SCAMP4: variants seen among roughly 807,000 people sequenced by gnomAD.
The protein encoded by SCAMP4 is secretory carrier-associated membrane protein 4.
Under a neutral mutation model 32.1 loss-of-function variants are expected in SCAMP4, and 19 were observed. That is an observed-to-expected ratio of 0.59 (90% CI 0.41 to 0.87). The LOEUF (loss-of-function observed/expected upper bound fraction) is 0.87, where lower values mean the gene tolerates loss of function less well. Ranked by LOEUF, SCAMP4 falls within the 40% of genes least tolerant of loss-of-function variation. The pLI is 0.00. For synonymous variants in SCAMP4, 152 were observed against 132.7 expected (o/e 1.15, Z -1.00); for missense variants, 302 against 309.0 (o/e 0.98, Z 0.17).
At chr19:1,911,977 C>T in intron 1 of SCAMP4, 1 of 1,409,038 alleles carries the variant, frequency 7.1e-7, no homozygotes, top group South Asian at 1.6e-5. Flanking sequence ...TGGCAGCACG[C>T]CCTGCCTTGT....
In SCAMP4 at chr19:1,924,200, G is replaced by C; in HGVS notation, c.606G>C (p.Glu202Asp). ...CTTGGCGGAACCCACCGTCGAGGGA[G>C]GCCCAGTACAACAACTTCTCAGGCA... ...TGTWRNPPSR[E>D]AQYNNFSGNS... The change falls in exon 7 of 7, where the codon GAG (glutamate) becomes GAC (aspartate). Residue 202 changes from glutamate to aspartate, a missense_variant. Transcript: ENST00000316097. The C allele has an allele frequency of 6.2e-7, 1 of 1,610,084 alleles. No individual in the cohort carries two copies. The highest frequency in any genetic ancestry group is 8.5e-7 in the Non-Finnish European group (1 of 1,178,210).
chr19:1,912,414 G>A (rs748161075), intron 1 of SCAMP4: 1 of 1,513,592 alleles, frequency 6.6e-7, no homozygotes, highest in East Asian at 2.6e-5. Context: ...GCGCTCGCTG[G>A]CTGAGCTCCT....
At chr19:1,912,406 G>C in intron 1 of SCAMP4, 1 of 1,514,518 alleles carries the variant, frequency 6.6e-7, no homozygotes, top group Non-Finnish European at 8.8e-7. Context: ...TCGGGCCCGC[G>C]CTCGCTGGCT....
intron 1 of SCAMP4, chr19:1,912,635 G>C: frequency 1.4e-6 from 2 of 1,438,950 alleles, no homozygotes; most frequent in South Asian, 1.4e-5. Flanking sequence ...TGGAGCGGGC[G>C]GTGTGGGCGG....
intron 1 of SCAMP4, among the ~76,000 whole-genome samples, chr19:1,909,273 G>T (rs1244639259): frequency 6.6e-6 from 1 of 152,174 alleles, no homozygotes. Flanking sequence ...GGAGCCAGAG[G>T]CGCTGTCCCC....
At chr19:1,913,324 T>C in intron 1 of SCAMP4, 3 of 1,022,344 alleles carry the variant, frequency 2.9e-6, no homozygotes, top group Non-Finnish European at 4.2e-6. Context: ...TTTCCTGGAC[T>C]CGGTCATTGG....
Position 1,918,906 on chromosome 19 carries a change from AT to A in SCAMP4, c.314del (p.Phe105SerfsTer14). 5 of 1,610,388 alleles carry A rather than the reference AT, an allele frequency of 3.1e-6. No individual in the cohort carries two copies. The highest frequency in any genetic ancestry group is 4.2e-6 in the Non-Finnish European group (5 of 1,178,418). ...YKAFRADSSFNFMAFFFIFGA... is the reference protein window; with the variant it reads ...YKAFRADSSFXFMAFFFIFGA... ...CTCCCCAGAGCCGACAGCTCCTTTA[AT>A]TTCATGGCGTTTTTCTTCATCTTCG... On this transcript the variant is annotated frameshift_variant, in exon 5 of 7. Coordinates refer to ENST00000316097, the MANE Select transcript of SCAMP4 (RefSeq NM_079834.4). LOFTEE classifies it high-confidence loss of function.
At chr19:1,915,388 G>C in intron 2 of SCAMP4, 1 of 333,366 alleles carries the variant, frequency 3.0e-6, no homozygotes, top group East Asian at 6.4e-5. Context: ...AAGCCCCTGA[G>C]GACAGGGCCT....
Position 1,918,283 on chromosome 19 carries a change from G to T in SCAMP4, c.293G>T (p.Arg98Leu). The change falls in exon 4 of 7, where the codon CGA (arginine) becomes CTA (leucine). Residue 98 changes from arginine to leucine, a missense_variant and splice_region_variant. Physicochemically the swap from Arg to Leu is moderately radical, Grantham distance 102 (BLOSUM62 -2). Transcript: ENST00000316097. ...CWFRPVYKAF[R>L]ADSSFNFMAF... ...TTCCGGCCTGTCTACAAGGCCTTCC[G>T]GTGAGCAGAGCTGCCGGGGGCCGTC... The T allele has an allele frequency of 6.3e-7, 1 of 1,596,906 alleles. No homozygotes were observed. Among genetic ancestry groups the T allele is most frequent in the Non-Finnish European group, 8.5e-7 (1 of 1,175,212 alleles).
chr19:1,924,314 C>T lies in SCAMP4; in HGVS notation c.*30C>T. 1 of 1,549,246 alleles carries T rather than the reference C, an allele frequency of 6.5e-7. No individual in the cohort carries two copies. Among genetic ancestry groups the T allele is most frequent in the Non-Finnish European group, 8.7e-7 (1 of 1,147,286 alleles). Reference sequence around the variant, plus strand: ...AGCCTGCCCTGCCCCCACCGCCCACCACCTCCTCCCCTTCATTCCTGCTGC... The same window carrying T: ...AGCCTGCCCTGCCCCCACCGCCCACTACCTCCTCCCCTTCATTCCTGCTGC... On this transcript the variant is annotated 3_prime_UTR_variant, in exon 7 of 7. Transcript: ENST00000316097.
intron 5 of SCAMP4, chr19:1,919,337 C>T (rs2013843960): frequency 1.7e-6 from 2 of 1,160,086 alleles, no homozygotes; most frequent in Non-Finnish European, 1.1e-6. Context: ...GCTGATGTTT[C>T]TGCACGGATC....
intron 2 of SCAMP4, among the ~76,000 whole-genome samples, chr19:1,915,252 G>T (rs1056629626): frequency 2.0e-5 from 3 of 152,198 alleles, no homozygotes; most frequent in African/African-American, 4.8e-5. Context: ...TCACTGACCC[G>T]AAGCACAGCC....
In SCAMP4 at chr19:1,920,528, T is replaced by C. The variant is rs1028685142; in HGVS notation, c.395+1538T>C. On this transcript the variant is annotated intron_variant, in intron 5 of 6. Transcript: ENST00000316097. ...CGGATGTGCCGCTGAAGCTGGTCTG[T>C]CACCTGCCACCCCAAGAGCCTGAGT... 3 of 903,186 alleles carry C rather than the reference T, an allele frequency of 3.3e-6. No individual in the cohort carries two copies. The African/African-American group carries it at 5.4e-5, about 16-fold the overall frequency. The allele number at this position is 903,186 out of a possible 1,614,324, so 55.9% of individuals were successfully genotyped here. A position where few individuals can be genotyped will look rare whatever the true frequency, so the allele number is the denominator to read the frequency against.
intron 5 of SCAMP4, chr19:1,920,672 C>G (rs2013890714): frequency 2.0e-6 from 2 of 985,406 alleles, no homozygotes; most frequent in African/African-American, 3.5e-5. Context: ...GGTCAAGGCA[C>G]TGCTCGTCAT....
chr19:1,916,883 G>A (rs558660757), intron 2 of SCAMP4, among the ~76,000 whole-genome samples: 101 of 152,332 alleles, frequency 6.6e-4, no homozygotes, highest in African/African-American at 2.4e-3. Flanking sequence ...CTGCATGTTG[G>A]CGTCCCTGCC....
rs1264191885 is a variant in SCAMP4 at position 1,905,442 on chromosome 19, A to G, written c.-42+3A>G. Reference sequence around the variant, plus strand: ...GCGCTCGCGCCCGGATCCCTCAGGTAAGCGCGCGGCCCCGAGGTCTCGGGT... The same window carrying G: ...GCGCTCGCGCCCGGATCCCTCAGGTGAGCGCGCGGCCCCGAGGTCTCGGGT... On this transcript the variant is annotated splice_donor_region_variant and intron_variant, in intron 1 of 6. Transcript: ENST00000316097. 2.2e-6 allele frequency: 1 copy of G among 462,112 alleles called. No homozygotes were observed. The highest frequency in any genetic ancestry group is 4.5e-6 in the Non-Finnish European group (1 of 223,060). The allele number at this position is 462,112 out of a possible 1,614,324, so 28.6% of individuals were successfully genotyped here. A position where few individuals can be genotyped will look rare whatever the true frequency, so the allele number is the denominator to read the frequency against.
At chr19:1,909,180 G>A (rs1472630394) in intron 1 of SCAMP4, among the ~76,000 whole-genome samples, 1 of 152,106 alleles carries the variant, frequency 6.6e-6, no homozygotes, top group Non-Finnish European at 1.5e-5. Context: ...GCGAGTCTGT[G>A]GGGGCAGATG....
At chr19:1,914,147 A>G (rs73916823) in intron 1 of SCAMP4, among the ~76,000 whole-genome samples, 4,578 of 152,266 alleles carry the variant, frequency 0.03, 227 homozygotes, top group African/African-American at 0.1. Flanking sequence ...CTTCATGCTC[A>G]GGTGCTCAGC....
intron 5 of SCAMP4, chr19:1,921,168 C>A (rs576874840): frequency 2.0e-6 from 2 of 985,176 alleles, no homozygotes; most frequent in South Asian, 4.7e-5. Context: ...AGGGGACAGC[C>A]CCGCTCTCCC....
Sources: gnomAD v4.1 joint callset for allele counts (sites outside exome capture counted in the v4.1 genomes callset) on GRCh38, gnomAD v4.1.1 for gene constraint, MANE v1.5 for transcripts, NCBI Gene and HGNC (gene_info 2026-07-23, HGNC 2026-07-21) for gene names.